Variants in VPS35L observed in about 807,000 individuals in gnomAD.
VPS35L encodes VPS35 endosomal protein-sorting factor-like.
VPS35L carries 83 observed loss-of-function variants against 133.0 expected under a neutral mutation model. The ratio of observed to expected loss-of-function variants is 0.62; its 90% CI spans 0.52 to 0.75. VPS35L has a LOEUF of 0.75. Among genes scored for constraint, VPS35L ranks in the 30% least tolerant of loss-of-function variants. The pLI is 0.00. For synonymous variants in VPS35L, 423 were observed against 449.9 expected (o/e 0.94, Z 0.76); for missense variants, 1,083 against 1,206.8 (o/e 0.90, Z 1.52).
intron 26 of VPS35L, among the ~76,000 whole-genome samples, chr16:19,667,350 G>A (rs1191799765): frequency 1.3e-5 from 2 of 152,252 alleles, no homozygotes; most frequent in Admixed American, 6.5e-5. Flanking sequence ...CGGACATCAG[G>A]TGGCTTTTCC....
chr16:19,577,712 A>G (rs1971580632), intron 5 of VPS35L, among the ~76,000 whole-genome samples: 1 of 152,012 alleles, frequency 6.6e-6, no homozygotes, highest in Admixed American at 6.5e-5. Context: ...TTCAGAGGTG[A>G]TTAGGTCATG....
At chr16:19,588,200 G>GAGAC (rs1244945350) in intron 7 of VPS35L, among the ~76,000 whole-genome samples, 1 of 118,410 alleles carries the variant, frequency 8.4e-6, no homozygotes, top group African/African-American at 3.8e-5. Flanking sequence ...TTTATTTATT[G>GAGAC]AGACAGAGTC....
intron 26 of VPS35L, among the ~76,000 whole-genome samples, chr16:19,655,081 T>G (rs2151590813): frequency 6.6e-6 from 1 of 152,266 alleles, no homozygotes; most frequent in South Asian, 2.1e-4. Flanking sequence ...ACGTCCTCGG[T>G]CCCCACTGAG....
At chr16:19,584,097 TCATC>T (rs1971790231) in intron 7 of VPS35L, among the ~76,000 whole-genome samples, 1 of 152,244 alleles carries the variant, frequency 6.6e-6, no homozygotes, top group Admixed American at 6.5e-5. Context: ...CTTTATCCAT[TCATC>T]CATTTATATA....
Position 19,647,854 on chromosome 16 carries a change from T to C in VPS35L, c.2000T>C (p.Leu667Pro). 6.2e-7 allele frequency: 1 copy of C among 1,614,126 alleles called. No individual in the cohort carries two copies. ...YVESRSMFCN[L>P]EPVLVQLIHS... The stretch of plus-strand genomic sequence containing the variant: ...GAGTCCAGGTCGATGTTTTGCAATC[T>C]GGAGCCTGTTCTTGTGCAGTTGATT... The change falls in exon 24 of 31, where the codon CTG (leucine) becomes CCG (proline). Residue 667 changes from leucine to proline, a missense_variant. Physicochemically the swap from Leu to Pro is moderately conservative, Grantham distance 98. Coordinates refer to ENST00000417362, the MANE Select transcript of VPS35L (RefSeq NM_020314.7).
At position 19,660,565 on chromosome 16, in the gene VPS35L, A is replaced by G. The variant is rs74011488; in HGVS notation, c.2221+8475A>G. On this transcript the variant is annotated intron_variant, in intron 26 of 30. Coordinates refer to ENST00000417362, the MANE Select transcript of VPS35L (RefSeq NM_020314.7). ...AGCACTGACCTAATGCATTATTGAA[A>G]AAAAGCAAAATGCCAATTTTGAAGG... 5.9e-3 allele frequency among the ~76,000 whole-genome samples: 899 copies of G among 152,290 alleles called. 10 individuals carry two copies. The highest frequency in any genetic ancestry group is 0.02 in the African/African-American group (838 of 41,564).
chr16:19,660,513 G>A (rs954666861), intron 26 of VPS35L, among the ~76,000 whole-genome samples: 3 of 152,200 alleles, frequency 2.0e-5, no homozygotes, highest in East Asian at 1.9e-4. Context: ...AGGAGTTTAT[G>A]ACTGACGAGT....
At chr16:19,605,619 A>G (rs762075855) in intron 9 of VPS35L, among the ~76,000 whole-genome samples, 17 of 152,096 alleles carry the variant, frequency 1.1e-4, no homozygotes, top group Non-Finnish European at 2.9e-5. Context: ...TCCCTGGAAT[A>G]TGTTTCTTCC....
intron 7 of VPS35L, chr16:19,581,922 C>T (rs1031150481): frequency 6.5e-6 from 3 of 465,058 alleles, no homozygotes; most frequent in Admixed American, 3.7e-5. Flanking sequence ...ACTGATGATA[C>T]CCCATGTGTT....
At chr16:19,697,831 C>T (rs1375685566) in intron 29 of VPS35L, among the ~76,000 whole-genome samples, 2 of 152,206 alleles carry the variant, frequency 1.3e-5, no homozygotes, top group Non-Finnish European at 2.9e-5. Context: ...CTGGAGAGGG[C>T]TGTGAGTACG....
chr16:19,673,212 G>A lies in VPS35L; in HGVS notation c.2361+3913G>A, dbSNP rs1027067686. ...TGATGTCTGGAGGGCAGATCCAGCC[G>A]GTAGACATGTAGACACTTGCTGGCT... On this transcript the variant is annotated intron_variant, in intron 27 of 30. Coordinates refer to ENST00000417362, the MANE Select transcript of VPS35L (RefSeq NM_020314.7). 3.9e-5 allele frequency among the ~76,000 whole-genome samples: 6 copies of A among 152,214 alleles called. 1 individual carries two copies. Among genetic ancestry groups the A allele is most frequent in the South Asian group, 2.1e-4 (1 of 4,834 alleles).
chr16:19,616,776 A>G lies in VPS35L; in HGVS notation c.1192A>G (p.Ile398Val). ...CTTGTACCCGCCTGCCATGGACTGG[A>G]TCTTCCAGTGCATCTCCTACCATGC... Reference protein sequence around the residue: ...LPLYPPAMDWIFQCISYHAPE... With the variant: ...LPLYPPAMDWVFQCISYHAPE... The change falls in exon 14 of 31, where the codon ATC (isoleucine) becomes GTC (valine). Residue 398 changes from isoleucine (I) to valine (V), a missense_variant. Physicochemically the swap from Ile to Val is conservative, Grantham distance 29 (BLOSUM62 3). Coordinates refer to ENST00000417362, the MANE Select transcript of VPS35L (RefSeq NM_020314.7). 1.2e-6 allele frequency: 2 copies of G among 1,614,118 alleles called. No individual in the cohort carries two copies. Among genetic ancestry groups the G allele is most frequent in the Non-Finnish European group, 1.7e-6 (2 of 1,180,016 alleles).
intron 12 of VPS35L, among the ~76,000 whole-genome samples, chr16:19,614,667 T>C (rs1399444722): frequency 6.6e-6 from 1 of 152,222 alleles, no homozygotes; most frequent in Non-Finnish European, 1.5e-5. Context: ...CACCTGGGCC[T>C]CCCAAAGTGC....
In VPS35L at chr16:19,624,175, G is replaced by A. The variant is rs186314407; in HGVS notation, c.1225-2002G>A. Reference sequence around the variant, plus strand: ...CTGGTGCCCAGGCTGGAGTTCAGTGGCACAATCACAGCTCACTGCAGCCTC... The same window carrying A: ...CTGGTGCCCAGGCTGGAGTTCAGTGACACAATCACAGCTCACTGCAGCCTC... On this transcript the variant is annotated intron_variant, in intron 14 of 30. Transcript: ENST00000417362. Among the ~76,000 whole-genome samples, 745 of 142,918 alleles carry A rather than the reference G, an allele frequency of 5.2e-3. 13 individuals are homozygous for A. Among genetic ancestry groups the A allele is most frequent in the Admixed American group, 0.034 (471 of 13,656 alleles). 93.8% of individuals were successfully genotyped at this position (142,918 alleles called of 152,430 possible).
intron 2 of VPS35L, among the ~76,000 whole-genome samples, chr16:19,566,977 C>T (rs1435372378): frequency 6.6e-6 from 1 of 152,110 alleles, no homozygotes; most frequent in Non-Finnish European, 1.5e-5. Context: ...GTCTCAAACT[C>T]CTGACCTCAG....
At chr16:19,602,706 G>A (rs1369392863) in intron 9 of VPS35L, among the ~76,000 whole-genome samples, 10 of 152,072 alleles carry the variant, frequency 6.6e-5, no homozygotes, top group African/African-American at 1.9e-4. Context: ...GGATTCAAGC[G>A]ATTCTCCTGC....
intron 1 of VPS35L, among the ~76,000 whole-genome samples, chr16:19,556,104 T>C (rs1288305940): frequency 6.6e-6 from 1 of 152,238 alleles, no homozygotes; most frequent in Non-Finnish European, 1.5e-5. Context: ...TTTTAAAGTC[T>C]GGACGAGTCG....
chr16:19,561,768 G>A (rs558420844), intron 1 of VPS35L, among the ~76,000 whole-genome samples: 16 of 152,226 alleles, frequency 1.1e-4, no homozygotes, highest in African/African-American at 3.6e-4. Context: ...GTTTTACTGG[G>A]ATGGGATATT....
intron 7 of VPS35L, among the ~76,000 whole-genome samples, chr16:19,587,148 G>A (rs1023630050): frequency 5.3e-5 from 8 of 152,108 alleles, no homozygotes; most frequent in Non-Finnish European, 8.8e-5. Flanking sequence ...CAGACAACCA[G>A]ATCTCATGAG....
Sources: gnomAD v4.1 joint callset for allele counts (sites outside exome capture counted in the v4.1 genomes callset) on GRCh38, gnomAD v4.1.1 for gene constraint, MANE v1.5 for transcripts, NCBI Gene and HGNC (gene_info 2026-07-23, HGNC 2026-07-21) for gene names.